The following HR variants were observed in gnomAD, a reference collection of about 807,000 sequenced individuals.
HR encodes the protein HR lysine demethylase and nuclear receptor corepressor.
Under a neutral mutation model 128.6 loss-of-function variants are expected in HR, and 83 were observed. The observed-to-expected ratio is 0.65, with a 90% CI of 0.54 to 0.77. HR has a LOEUF of 0.77. Among genes scored for constraint, HR ranks in the 30% least tolerant of loss-of-function variants. HR has a pLI of 0.00. For missense variants in HR, 1,490 were observed against 1,574.6 expected (o/e 0.95, Z 0.91); for synonymous variants, 681 against 658.2 (o/e 1.03, Z -0.53).
rs762093739 is a variant in HR, at chr8:22,120,166, T to C, written c.2784A>G (p.Pro928=). 5.6e-6 allele frequency: 9 copies of C among 1,593,468 alleles called. No individual in the cohort carries two copies. The African/African-American group carries it at 9.4e-5, about 17-fold the overall frequency. Reference sequence around the variant, plus strand: ...GGAGGACAGAGCCCTCGTCTGACTTTGGGCGAACTACAGGAGGAGACAGAA... The same window carrying C: ...GGAGGACAGAGCCCTCGTCTGACTTCGGGCGAACTACAGGAGGAGACAGAA... The part of the protein sequence containing the change: ...WEGFSWPELR[P]KSDEGSVLLL... Residue 928 remains proline (P), a synonymous_variant, in exon 13 of 19, where the codon CCA becomes CCG. Transcript: ENST00000381418.
chr8:22,126,357 A>G lies in HR; in HGVS notation c.1406-625T>C, dbSNP rs554059264. Reference sequence around the variant, plus strand: ...AGTGATCCCAAAGAACTAAGGCTGGAGCCGGCAGTGCCAGGGTCCTCCGTG... The same window carrying G: ...AGTGATCCCAAAGAACTAAGGCTGGGGCCGGCAGTGCCAGGGTCCTCCGTG... On this transcript the variant is annotated intron_variant, in intron 3 of 18. Coordinates refer to ENST00000381418, the MANE Select transcript of HR (RefSeq NM_005144.5). 1.8e-3 allele frequency among the ~76,000 whole-genome samples: 278 copies of G among 152,330 alleles called. 1 individual carries two copies. Among genetic ancestry groups the G allele is most frequent in the African/African-American group, 6.4e-3 (268 of 41,568 alleles).
Position 22,116,831 on chromosome 8 carries a change from G to A in HR, c.3378+44C>T. 6.5e-7 allele frequency: 1 copy of A among 1,550,226 alleles called. No homozygotes were observed. The highest frequency in any genetic ancestry group is 8.7e-7 in the Non-Finnish European group (1 of 1,151,646). On this transcript the variant is annotated intron_variant, in intron 17 of 18. Coordinates refer to ENST00000381418, the MANE Select transcript of HR (RefSeq NM_005144.5). This position sits in a 1 kb window ranked among gnomAD's most constrained non-coding sequence, Gnocchi z 4.2. ...CTGCGGCCTTGATTGGGTCGCTTCT[G>A]CCATCCTGATCTCCCCGCAGAGCCC...
chr8:22,119,020 C>A lies in HR; in HGVS notation c.3143G>T (p.Ser1048Ile), dbSNP rs548691050. The change falls in exon 16 of 19, where the codon AGC becomes ATC. Residue 1048 changes from serine to isoleucine, a missense_variant. Physicochemically the swap from Ser to Ile is moderately radical, Grantham distance 142. Transcript: ENST00000381418. ...CACGTGCCACACAGTGCTGACCTGG[C>A]TGCCCGGAGACCAGAGCCCCTCCCC... ...LDGEGLWSPGSQVSTVWHVFR... is the reference protein window; with the variant it reads ...LDGEGLWSPGIQVSTVWHVFR... The A allele has an allele frequency of 1.4e-5, 22 of 1,613,184 alleles. No homozygotes were observed. The highest frequency in any genetic ancestry group is 8.3e-5 in the Admixed American group (5 of 60,032).
At chr8:22,128,347 G>A in intron 2 of HR, 2 of 652,666 alleles carry the variant, frequency 3.1e-6, no homozygotes, top group East Asian at 2.7e-5. Context: ...TGGCTGCAAT[G>A]ACCCGAGGGC....
chr8:22,121,336 TC>T, intron 9 of HR, 108 bp from the exon 10 acceptor site: 1 of 1,409,854 alleles, frequency 7.1e-7, no homozygotes, highest in Non-Finnish European at 9.8e-7. Context: ...GAGCCCACTC[TC>T]CCCAGCCAGC....
chr8:22,127,571 C>T lies in HR; in HGVS notation c.871G>A (p.Gly291Ser). ...TCGCCTGGCCCAGCCCAGACGTTGCCAAGAGTATGAACAAGGCCTGGGGGA... is the reference window on the plus strand; with the variant it reads ...TCGCCTGGCCCAGCCCAGACGTTGCTAAGAGTATGAACAAGGCCTGGGGGA... Reference protein sequence around the residue: ...ACPPGLVHTLGNVWAGPGDGN... With the variant: ...ACPPGLVHTLSNVWAGPGDGN... The change falls in exon 3 of 19, where the codon GGC becomes AGC. Residue 291 changes from glycine to serine, a missense_variant. Gly to Ser is a moderately conservative substitution (Grantham distance 56, BLOSUM62 0). Coordinates refer to ENST00000381418, the MANE Select transcript of HR (RefSeq NM_005144.5). 6.2e-7 allele frequency: 1 copy of T among 1,612,920 alleles called. No individual in the cohort carries two copies. The highest frequency in any genetic ancestry group is 8.5e-7 in the Non-Finnish European group (1 of 1,180,006).
At chr8:22,125,815 C>G (rs769987480) in intron 3 of HR, 83 bp from the exon 4 acceptor site, 33 of 1,493,480 alleles carry the variant, frequency 2.2e-5, no homozygotes, top group Non-Finnish European at 2.9e-5. Context: ...CCCACCCCAT[C>G]CACACTCAGA....
At chr8:22,119,396 G>A (rs1410259616) in intron 14 of HR, 113 bp from the exon 15 acceptor site, 11 of 1,474,018 alleles carry the variant, frequency 7.5e-6, no homozygotes, top group South Asian at 5.9e-5. Flanking sequence ...ATCACCTGAG[G>A]TCAGGAGTTT....
At position 22,115,766 on chromosome 8, in the gene HR, G is replaced by A; in HGVS notation, c.3508-4C>T. The A allele has an allele frequency of 1.2e-6, 2 of 1,613,828 alleles. No homozygotes were observed. Among genetic ancestry groups the A allele is most frequent in the Non-Finnish European group, 1.7e-6 (2 of 1,179,908 alleles). Reference sequence around the variant, plus strand: ...CTTGGAACACAGCCCAGTCCATCTAGGAAAAAGAGAGAGGACAAAGCATTT... The same window carrying A: ...CTTGGAACACAGCCCAGTCCATCTAAGAAAAAGAGAGAGGACAAAGCATTT... On this transcript the variant is annotated splice_region_variant and splice_polypyrimidine_tract_variant and intron_variant, in intron 18 of 18. Transcript: ENST00000381418.
chr8:22,119,952 C>G, intron 13 of HR, 62 bp from the exon 14 acceptor site: 1 of 1,609,852 alleles, frequency 6.2e-7, no homozygotes, highest in South Asian at 1.1e-5. Flanking sequence ...CCCATCAAAG[C>G]CCCACCACCA....
At position 22,115,292 on chromosome 8, in the gene HR, G is replaced by A. The variant is rs932864859; in HGVS notation, c.*408C>T. ...CCAGTGAGGATGCGGTGGTAGAAAC[G>A]GAGCTGGGGCAGTAGAGTGGGCTCA... is the stretch of plus-strand genomic sequence containing the variant. On this transcript the variant is annotated 3_prime_UTR_variant, in exon 19 of 19. Coordinates refer to ENST00000381418, the MANE Select transcript of HR (RefSeq NM_005144.5). The A allele has an allele frequency of 7.2e-5, 22 of 304,460 alleles. No homozygotes were observed. Among genetic ancestry groups the A allele is most frequent in the Middle Eastern group, 1.1e-3 (1 of 934 alleles). 18.9% of individuals were successfully genotyped at this position (304,460 alleles called of 1,614,324 possible).
chr8:22,115,527 G>T lies in HR; in HGVS notation c.*173C>A. ...CAGGTGTGAGCTTGGTGGCACTGTG[G>T]TTGTTGGCTTAAGGGGGAGGGGAAC... is the stretch of plus-strand genomic sequence containing the variant. On this transcript the variant is annotated 3_prime_UTR_variant, in exon 19 of 19. Coordinates refer to ENST00000381418, the MANE Select transcript of HR (RefSeq NM_005144.5). 1.5e-6 allele frequency: 1 copy of T among 669,368 alleles called. No homozygotes were observed. The allele number at this position is 669,368 out of a possible 1,614,324, so 41.5% of individuals were successfully genotyped here.
chr8:22,129,309 G>T, intron 1 of HR, 99 bp from the exon 2 acceptor site: 1 of 1,019,828 alleles, frequency 9.8e-7, no homozygotes, highest in Non-Finnish European at 1.4e-6. Flanking sequence ...CACTGAGGCA[G>T]CTCAAACCAG....
rs757600527 is a variant in HR at position 22,127,014 on chromosome 8, G to A, written c.1405+23C>T. Reference sequence around the variant, plus strand: ...GGCTGCCCCCTCCCACGCAGGGCCTGCAGCCCCTCCTGGCCCCCTTACCTT... The same window carrying A: ...GGCTGCCCCCTCCCACGCAGGGCCTACAGCCCCTCCTGGCCCCCTTACCTT... On this transcript the variant is annotated intron_variant, in intron 3 of 18. Coordinates refer to ENST00000381418, the MANE Select transcript of HR (RefSeq NM_005144.5). The A allele has an allele frequency of 1.9e-6, 3 of 1,605,852 alleles. No homozygotes were observed. The East Asian group carries it at 6.7e-5, about 36-fold the overall frequency.
chr8:22,119,131 T>G, intron 15 of HR, 33 bp downstream of exon 15: 2 of 1,613,680 alleles, frequency 1.2e-6, no homozygotes, highest in Non-Finnish European at 1.7e-6. Flanking sequence ...CTCTGTAGCT[T>G]GTCCCCGCTC....
chr8:22,127,850 T>C (rs373854964), intron 2 of HR, 21 bp from the exon 3 acceptor site: 79 of 1,597,856 alleles, frequency 4.9e-5, no homozygotes, highest in African/African-American at 2.8e-4. Context: ...GAGAAAGTGT[T>C]ACGCTTCAGC....
At chr8:22,119,645 G>T in intron 14 of HR, 115 bp downstream of exon 14, 1 of 1,242,556 alleles carries the variant, frequency 8.0e-7, no homozygotes, top group Non-Finnish European at 1.1e-6. Flanking sequence ...AGAAAGAAAT[G>T]GAATCAGAGA....
At chr8:22,117,835 G>A (rs912132148) in intron 16 of HR, 1 of 152,444 alleles carries the variant, frequency 6.6e-6, no homozygotes, top group East Asian at 1.9e-4. Context: ...ATGGGGCGTG[G>A]GGGAAGGGAA....
At chr8:22,121,553 C>T in intron 9 of HR, 60 bp downstream of exon 9, 1 of 1,572,364 alleles carries the variant, frequency 6.4e-7, no homozygotes, top group African/African-American at 1.3e-5. Flanking sequence ...TCCCCTCCTG[C>T]CTCAAACTCT....
Sources: gnomAD v4.1 joint callset for allele counts (sites outside exome capture counted in the v4.1 genomes callset) on GRCh38, gnomAD v4.1.1 for gene constraint, Gnocchi (gnomAD v3.1) non-coding constraint, MANE v1.5 for transcripts, NCBI Gene and HGNC (gene_info 2026-07-23, HGNC 2026-07-21) for gene names.